Variants in SDK2 observed in about 807,000 individuals in gnomAD.
The protein encoded by SDK2 is sidekick cell adhesion molecule 2.
Under a neutral mutation model 253.9 loss-of-function variants are expected in SDK2, and 105 were observed. That is an observed-to-expected ratio of 0.41 (90% CI 0.35 to 0.49). The LOEUF (loss-of-function observed/expected upper bound fraction) is 0.49, where lower values mean the gene tolerates loss of function less well. Ranked by LOEUF, SDK2 falls within the 20% of genes least tolerant of loss-of-function variation. The probability of loss-of-function intolerance (pLI) is 0.06; values close to 1 mark genes in which losing one functional copy is unlikely to be tolerated. For missense variants in SDK2, 2,608 were observed against 3,003.0 expected (o/e 0.87, Z 3.07); for synonymous variants, 1,249 against 1,234.9 (o/e 1.01, Z -0.24).
intron 1 of SDK2, among the ~76,000 whole-genome samples, chr17:73,533,305 G>A (rs1599655465): frequency 1.3e-5 from 2 of 152,376 alleles, no homozygotes; most frequent in East Asian, 3.9e-4. Context: ...GGGCCCCGGG[G>A]CCGACTGGCA....
intron 1 of SDK2, among the ~76,000 whole-genome samples, chr17:73,575,477 C>T (rs2045445605): frequency 6.6e-6 from 1 of 152,196 alleles, no homozygotes; most frequent in Non-Finnish European, 1.5e-5. Context: ...TGGACGAGAG[C>T]TTGGATTCTG....
chr17:73,570,772 C>T lies in SDK2; in HGVS notation c.65-63175G>A, dbSNP rs2045374250. On this transcript the variant is annotated intron_variant, in intron 1 of 44. Transcript: ENST00000392650. The surrounding 1 kb of genome is among the most constrained non-coding windows in gnomAD (Gnocchi z 4.2). ...AACACCGGAGCCCTTTGGAGGGGCCCTCTTCTACCCATTCCTGTGTTCTTC... is the reference window on the plus strand; with the variant it reads ...AACACCGGAGCCCTTTGGAGGGGCCTTCTTCTACCCATTCCTGTGTTCTTC... 6.6e-6 allele frequency among the ~76,000 whole-genome samples: 1 copy of T among 152,196 alleles called. No individual in the cohort carries two copies. Among genetic ancestry groups the T allele is most frequent in the South Asian group, 2.1e-4 (1 of 4,820 alleles).
intron 7 of SDK2, 52 bp downstream of exon 7, chr17:73,437,912 C>T (rs1281308496): frequency 1.9e-6 from 3 of 1,586,624 alleles, no homozygotes; most frequent in Non-Finnish European, 1.7e-6. Context: ...AGGACCCTCG[C>T]CGTGCTGCCC....
intron 36 of SDK2, among the ~76,000 whole-genome samples, chr17:73,372,169 C>A (rs1188166091): frequency 6.6e-6 from 1 of 152,166 alleles, no homozygotes; most frequent in Non-Finnish European, 1.5e-5. Context: ...GCAGGTGCAT[C>A]TTGTTTGTGA....
chr17:73,522,575 C>T (rs1455453506), intron 1 of SDK2, among the ~76,000 whole-genome samples: 1 of 152,246 alleles, frequency 6.6e-6, no homozygotes, highest in Non-Finnish European at 1.5e-5. Flanking sequence ...GCTGAACCAA[C>T]ATCTGCAGGA....
intron 5 of SDK2, among the ~76,000 whole-genome samples, chr17:73,446,876 G>A (rs942581847): frequency 6.6e-6 from 1 of 152,024 alleles, no homozygotes; most frequent in Non-Finnish European, 1.5e-5. Context: ...AATGGAGTAT[G>A]GAGGGAGGGG....
chr17:73,522,740 G>A (rs2064092541), intron 1 of SDK2, among the ~76,000 whole-genome samples: 1 of 152,228 alleles, frequency 6.6e-6, no homozygotes, highest in African/African-American at 2.4e-5. Flanking sequence ...GGAACCTGGG[G>A]CCAGCAGCTG....
At chr17:73,474,654 C>T (rs138272722) in intron 2 of SDK2, among the ~76,000 whole-genome samples, 17 of 152,310 alleles carry the variant, frequency 1.1e-4, no homozygotes, top group African/African-American at 3.1e-4. Flanking sequence ...TCTCTTCCTC[C>T]GTTCACCTCA....
chr17:73,519,149 G>C (rs1410171217), intron 1 of SDK2: 1 of 152,292 alleles, frequency 6.6e-6, no homozygotes, highest in Non-Finnish European at 1.5e-5. Flanking sequence ...CTACCTCCTT[G>C]GTCAGCGATG....
intron 32 of SDK2, among the ~76,000 whole-genome samples, chr17:73,384,497 T>C (rs2062856663): frequency 6.6e-6 from 1 of 152,212 alleles, no homozygotes; most frequent in African/African-American, 2.4e-5. Context: ...AGGGTGAGTG[T>C]GCCCCTCACC....
intron 4 of SDK2, among the ~76,000 whole-genome samples, chr17:73,449,035 G>C (rs930304214): frequency 1.2e-4 from 19 of 152,124 alleles, no homozygotes; most frequent in Non-Finnish European, 2.5e-4. Flanking sequence ...AAAGAGGCTG[G>C]TGTGTTTTGG....
chr17:73,483,607 ATATATATG>A (rs1350245097), intron 2 of SDK2, among the ~76,000 whole-genome samples: 3 of 133,060 alleles, frequency 2.3e-5, no homozygotes, highest in African/African-American at 8.7e-5. Flanking sequence ...ATGTATGTGT[ATATATATG>A]TATATATATG....
intron 24 of SDK2, among the ~76,000 whole-genome samples, chr17:73,396,338 C>T (rs906009711): frequency 6.6e-6 from 1 of 152,240 alleles, no homozygotes; most frequent in East Asian, 1.9e-4. Flanking sequence ...GAGCCCAGGG[C>T]CTGGCCTCCA....
intron 1 of SDK2, among the ~76,000 whole-genome samples, chr17:73,539,684 C>G (rs1278852017): frequency 6.6e-6 from 1 of 152,164 alleles, no homozygotes; most frequent in Admixed American, 6.5e-5. Context: ...AGTCCTGGGA[C>G]CTGTGAATGT....
intron 5 of SDK2, among the ~76,000 whole-genome samples, chr17:73,441,735 T>A (rs1286231450): frequency 6.6e-6 from 1 of 152,252 alleles, no homozygotes; most frequent in Non-Finnish European, 1.5e-5. Context: ...ATTTCTGTTG[T>A]GAGCCACTCA....
intron 40 of SDK2, among the ~76,000 whole-genome samples, chr17:73,353,045 C>G (rs923789762): frequency 5.9e-5 from 9 of 151,848 alleles, no homozygotes; most frequent in Non-Finnish European, 5.9e-5. Flanking sequence ...GAGCTGAGAT[C>G]ACGCCACTGC....
intron 13 of SDK2, 132 bp from the exon 14 acceptor site, chr17:73,423,654 G>A: frequency 1.8e-6 from 2 of 1,131,322 alleles, no homozygotes; most frequent in East Asian, 2.8e-5. Flanking sequence ...GTGGCCTTCG[G>A]GCCATCTACC....
At chr17:73,630,323 T>A (rs556791264) in intron 1 of SDK2, among the ~76,000 whole-genome samples, 1 of 152,218 alleles carries the variant, frequency 6.6e-6, no homozygotes, top group East Asian at 1.9e-4. Context: ...TTCTAACAGG[T>A]CCCCAAATGG....
chr17:73,590,825 G>T (rs972985003), intron 1 of SDK2, among the ~76,000 whole-genome samples: 1 of 152,204 alleles, frequency 6.6e-6, no homozygotes, highest in Non-Finnish European at 1.5e-5. Context: ...CTTTCCAAAT[G>T]GTTGCTGTTT....
Sources: allele counts gnomAD v4.1 joint callset (sites outside exome capture counted in the v4.1 genomes callset), GRCh38; gene constraint gnomAD v4.1.1; non-coding constraint Gnocchi (gnomAD v3.1); transcripts MANE v1.5; gene names NCBI Gene and HGNC (gene_info 2026-07-23, HGNC 2026-07-21).